Variants in LNPEP observed in about 807,000 individuals in gnomAD.
LNPEP encodes leucyl and cystinyl aminopeptidase.
In LNPEP, 64 loss-of-function variants were observed where a neutral mutation model predicts 120.6. The observed-to-expected ratio is 0.53, with a 90% CI of 0.43 to 0.65. The LOEUF (loss-of-function observed/expected upper bound fraction) is 0.65. LNPEP is among the 30% of genes least tolerant of loss of function. The probability of loss-of-function intolerance (pLI) is 0.00; values close to 1 mark genes in which losing one functional copy is unlikely to be tolerated. For synonymous variants in LNPEP, 435 were observed against 425.4 expected (o/e 1.02, Z -0.28); for missense variants, 1,057 against 1,200.0 (o/e 0.88, Z 1.76).
At chr5:96,975,598 G>T (rs978504956) in intron 1 of LNPEP, among the ~76,000 whole-genome samples, 1 of 151,874 alleles carries the variant, frequency 6.6e-6, no homozygotes, top group Admixed American at 6.6e-5. Flanking sequence ...TGAAGAACCA[G>T]GGTTTATTGT....
intron 4 of LNPEP, 87 bp from the exon 5 acceptor site, chr5:96,992,928 A>G: frequency 2.2e-6 from 2 of 915,502 alleles, no homozygotes; most frequent in East Asian, 2.6e-5. Context: ...TAGAATTTTC[A>G]GATATGCTAG....
At chr5:96,966,553 T>TGTGTG in intron 1 of LNPEP, among the ~76,000 whole-genome samples, 1 of 132,412 alleles carries the variant, frequency 7.6e-6, no homozygotes, top group African/African-American at 2.8e-5. Context: ...TGTGTGTGTG[T>TGTGTG]AGTGAAGAGA....
intron 1 of LNPEP, among the ~76,000 whole-genome samples, chr5:96,953,583 A>G (rs1230979540): frequency 2.0e-5 from 3 of 152,206 alleles, no homozygotes; most frequent in East Asian, 1.9e-4. Flanking sequence ...CACTCCCTGC[A>G]TGTTGGCTTC....
Position 97,022,290 on chromosome 5 carries a change from G to C in LNPEP, c.2377-10G>C, listed in dbSNP as rs1791221388. On this transcript the variant is annotated splice_polypyrimidine_tract_variant and intron_variant, in intron 13 of 17. Transcript: ENST00000231368. ...TTATGAAGCCATTATAATCTATTTT[G>C]TCTCTCTAGACTAGGGTATTTAAAT... 6.7e-7 allele frequency: 1 copy of C among 1,489,918 alleles called. No individual in the cohort carries two copies. The highest frequency in any genetic ancestry group is 9.2e-7 in the Non-Finnish European group (1 of 1,087,254). 92.3% of individuals were successfully genotyped at this position (1,489,918 alleles called of 1,614,324 possible). A position where few individuals can be genotyped will look rare whatever the true frequency, so the allele number is the denominator to read the frequency against.
rs1791441353 is a variant in LNPEP at position 97,030,247 on chromosome 5, T to C, written c.*1714T>C. 1 of 152,162 alleles carries C rather than the reference T, an allele frequency of 6.6e-6. No homozygotes were observed. The highest frequency in any genetic ancestry group is 1.5e-5 in the Non-Finnish European group (1 of 67,996). 9.4% of individuals were successfully genotyped at this position (152,162 alleles called of 1,614,324 possible). A position where few individuals can be genotyped will look rare whatever the true frequency, so the allele number is the denominator to read the frequency against. ...TTTATCTGTTTTAGAGTAGAAAATA[T>C]TATATCCTGAGAATCACAGAATCAT... On this transcript the variant is annotated 3_prime_UTR_variant, in exon 18 of 18. Coordinates refer to ENST00000231368, the MANE Select transcript of LNPEP (RefSeq NM_005575.3).
At chr5:96,988,012 A>C (rs1381468399) in intron 4 of LNPEP, among the ~76,000 whole-genome samples, 1 of 152,158 alleles carries the variant, frequency 6.6e-6, no homozygotes, top group African/African-American at 2.4e-5. Context: ...TCCCTCTCTG[A>C]TCTTTCATAG....
At position 96,946,879 on chromosome 5, in the gene LNPEP, A is replaced by G. The variant is rs549360622; in HGVS notation, c.19+10705A>G. On this transcript the variant is annotated intron_variant, in intron 1 of 17. Transcript: ENST00000231368. ...TTCACCAACTGAGATTTCTTGTTTAACTCACAAGTTTTCTGTATACATTGA... is the reference window on the plus strand; with the variant it reads ...TTCACCAACTGAGATTTCTTGTTTAGCTCACAAGTTTTCTGTATACATTGA... 8.3e-4 allele frequency among the ~76,000 whole-genome samples: 126 copies of G among 152,248 alleles called. 4 individuals are homozygous for G. The South Asian group carries it at 0.025, about 30-fold the overall frequency.
intron 17 of LNPEP, 27 bp from the exon 18 acceptor site, chr5:97,028,375 T>G (rs1459899875): frequency 6.2e-7 from 1 of 1,611,694 alleles, no homozygotes; most frequent in Non-Finnish European, 8.5e-7. Flanking sequence ...TTTCTTCTTT[T>G]GAAATTCTTC....
chr5:96,985,095 T>G lies in LNPEP; in HGVS notation c.876T>G (p.Thr292=). 1 of 1,614,010 alleles carries G rather than the reference T, an allele frequency of 6.2e-7. No individual in the cohort carries two copies. Residue 292 remains threonine, a synonymous_variant, in exon 3 of 18, where the codon ACT becomes ACG. Transcript: ENST00000231368. The part of the protein sequence containing the change: ...ESNEKKYFAA[T]QFEPLAARSA... ...TTTGTTTTAGGTACTTTGCAGCAAC[T>G]CAGTTTGAACCCCTGGCAGCAAGAT...
In LNPEP at chr5:97,024,644, AGC is replaced by A. The variant is rs1219315596; in HGVS notation, c.2686_2687del (p.Ala896ThrfsTer17). 6.2e-7 allele frequency: 1 copy of A among 1,613,974 alleles called. No individual in the cohort carries two copies. The highest frequency in any genetic ancestry group is 1.7e-5 in the Admixed American group (1 of 60,016). The part of the protein sequence containing the change: ...SEAEKNKILE[A>X]LASSEDVRKL... ...AAGCAGAGAAGAACAAAATACTAGA[AGC>A]ACTTGCCAGCTCAGAGGATGTGCGG... On this transcript the variant is annotated frameshift_variant, in exon 15 of 18. Coordinates refer to ENST00000231368, the MANE Select transcript of LNPEP (RefSeq NM_005575.3). LOFTEE classifies it high-confidence loss of function.
intron 2 of LNPEP, among the ~76,000 whole-genome samples, chr5:96,982,514 G>A (rs558290536): frequency 1.3e-4 from 20 of 152,160 alleles, no homozygotes; most frequent in South Asian, 4.1e-4. Context: ...AGGCTTTTTC[G>A]CCTTAGTGTG....
intron 4 of LNPEP, among the ~76,000 whole-genome samples, chr5:96,989,319 A>AT (rs2112621269): frequency 4.3e-5 from 1 of 23,258 alleles, no homozygotes. Flanking sequence ...TATATTATAT[A>AT]TAATATATAA....
intron 13 of LNPEP, among the ~76,000 whole-genome samples, chr5:97,016,676 G>A (rs953497950): frequency 5.3e-5 from 8 of 152,162 alleles, no homozygotes; most frequent in African/African-American, 1.9e-4. Flanking sequence ...AAGGTTTCAA[G>A]TGACTGGCCC....
At position 97,027,721 on chromosome 5, in the gene LNPEP, G is replaced by T. The variant is rs1445397013; in HGVS notation, c.2865-12G>T. On this transcript the variant is annotated splice_polypyrimidine_tract_variant and intron_variant, in intron 16 of 17. Coordinates refer to ENST00000231368, the MANE Select transcript of LNPEP (RefSeq NM_005575.3). ...GCCTAATCTTTTTGCTCTTGTTTTT[G>T]TGTTTCTTCAGGTTCCCTCTGGGGT... 1.3e-6 allele frequency: 2 copies of T among 1,554,872 alleles called. No individual in the cohort carries two copies. The highest frequency in any genetic ancestry group is 1.7e-5 in the Admixed American group (1 of 59,608).
At chr5:97,011,034 CT>C in intron 11 of LNPEP, 1 of 985,424 alleles carries the variant, frequency 1.0e-6, no homozygotes, top group Non-Finnish European at 1.2e-6. Context: ...TGTCCCTCCT[CT>C]TTACCATCTG....
intron 4 of LNPEP, among the ~76,000 whole-genome samples, chr5:96,989,346 ATATAT>A (rs1303555065): frequency 4.6e-4 from 10 of 21,902 alleles, no homozygotes; most frequent in South Asian, 1.5e-3. Context: ...ATAATATATA[ATATAT>A]TATATATTAT....
At position 97,029,847 on chromosome 5, in the gene LNPEP, GA is replaced by G. The variant is rs1332392319; in HGVS notation, c.*1317del. The G allele has an allele frequency of 1.3e-5, 2 of 152,168 alleles. No homozygotes were observed. The highest frequency in any genetic ancestry group is 4.8e-5 in the African/African-American group (2 of 41,438). The allele number at this position is 152,168 out of a possible 1,614,324, so 9.4% of individuals were successfully genotyped here. On this transcript the variant is annotated 3_prime_UTR_variant, in exon 18 of 18. Coordinates refer to ENST00000231368, the MANE Select transcript of LNPEP (RefSeq NM_005575.3). ...ATGGCATTTTACTCCTTCTGAAAGA[GA>G]AATACTGTACTTGAATTTTTGAGCT...
intron 1 of LNPEP, among the ~76,000 whole-genome samples, chr5:96,971,349 G>GTGTT (rs1789858743): frequency 7.4e-6 from 1 of 134,774 alleles, no homozygotes; most frequent in African/African-American, 2.6e-5. Flanking sequence ...TATTATTTGT[G>GTGTT]TGTGTGTGTG....
rs1044500366 is a variant in LNPEP at position 97,014,845 on chromosome 5, A to T, written c.2220-94A>T. ...TAAGTTTAAATTTTTGGTCTCCAAG[A>T]CTCACCATCTAACCCTAAGTTTCTC... is the stretch of plus-strand genomic sequence containing the variant. On this transcript the variant is annotated intron_variant, in intron 12 of 17. Coordinates refer to ENST00000231368, the MANE Select transcript of LNPEP (RefSeq NM_005575.3). 1.5e-5 allele frequency: 13 copies of T among 875,772 alleles called. No homozygotes were observed. The Admixed American group carries it at 2.5e-4, about 17-fold the overall frequency. 54.3% of individuals were successfully genotyped at this position (875,772 alleles called of 1,614,324 possible). A position where few individuals can be genotyped will look rare whatever the true frequency, so the allele number is the denominator to read the frequency against.
Sources: allele counts gnomAD v4.1 joint callset (sites outside exome capture counted in the v4.1 genomes callset), GRCh38; gene constraint gnomAD v4.1.1; transcripts MANE v1.5; gene names NCBI Gene and HGNC (gene_info 2026-07-23, HGNC 2026-07-21).